The following ACVR1C variants were observed in gnomAD, a reference collection of about 807,000 sequenced individuals.
ACVR1C encodes activin receptor type-1C.
A neutral mutation model predicts 57.9 loss-of-function variants in ACVR1C; 23 were observed. The ratio of observed to expected loss-of-function variants is 0.40; its 90% CI spans 0.29 to 0.56. The LOEUF is 0.56. Among genes scored for constraint, ACVR1C ranks in the 20% least tolerant of loss-of-function variants. ACVR1C has a pLI of 0.50. For missense variants in ACVR1C, 480 were observed against 607.9 expected (o/e 0.79, Z 2.21); for synonymous variants, 214 against 215.3 (o/e 0.99, Z 0.05).
Position 157,628,850 on chromosome 2 carries a change from G to C in ACVR1C, c.-206C>G. On this transcript the variant is annotated 5_prime_UTR_variant, in exon 1 of 9. Transcript: ENST00000243349. Reference sequence around the variant, plus strand: ...ACGCCCCCTGCGGCTGGCGGTGCGCGGCGCTCCTGCCACTGGCCCCGCAGC... The same window carrying C: ...ACGCCCCCTGCGGCTGGCGGTGCGCCGCGCTCCTGCCACTGGCCCCGCAGC... 2.9e-6 allele frequency: 1 copy of C among 349,042 alleles called. No individual in the cohort carries two copies. Among genetic ancestry groups the C allele is most frequent in the Non-Finnish European group, 5.1e-6 (1 of 197,030 alleles). The allele number at this position is 349,042 out of a possible 1,614,324, so 21.6% of individuals were successfully genotyped here. A position where few individuals can be genotyped will look rare whatever the true frequency, so the allele number is the denominator to read the frequency against.
chr2:157,582,161 A>T (rs1392540202), intron 2 of ACVR1C, among the ~76,000 whole-genome samples: 6 of 150,600 alleles, frequency 4.0e-5, no homozygotes, highest in East Asian at 1.9e-4. Flanking sequence ...CAAAAAAATA[A>T]TTTTTTTTTT....
rs147895379 is a variant in ACVR1C, at chr2:157,560,702, C to T, written c.305-4370G>A. 9.9e-4 allele frequency among the ~76,000 whole-genome samples: 150 copies of T among 152,278 alleles called. No homozygotes were observed. The Middle Eastern group carries it at 0.034, about 35-fold the overall frequency. ...AAATGGGAACTTTCTCTATAAAAGC[C>T]AGACAAACCCTGCCTTTGTTCTCTG... On this transcript the variant is annotated intron_variant, in intron 2 of 8. Transcript: ENST00000243349.
At chr2:157,595,183 TAAAA>T (rs1682062792) in intron 1 of ACVR1C, among the ~76,000 whole-genome samples, 1 of 152,224 alleles carries the variant, frequency 6.6e-6, no homozygotes, top group Admixed American at 6.5e-5. Context: ...TGGATTCTCT[TAAAA>T]CATCCCTTTG....
At chr2:157,614,647 T>C (rs527736971) in intron 1 of ACVR1C, among the ~76,000 whole-genome samples, 61 of 152,316 alleles carry the variant, frequency 4.0e-4, no homozygotes, top group African/African-American at 1.3e-3. Flanking sequence ...TTCAGTTCTA[T>C]CCATTGTTGT....
At chr2:157,620,951 A>G (rs1682758733) in intron 1 of ACVR1C, among the ~76,000 whole-genome samples, 2 of 152,192 alleles carry the variant, frequency 1.3e-5, no homozygotes, top group African/African-American at 4.8e-5. Flanking sequence ...TGAGATAACA[A>G]CGACAAAATA....
intron 1 of ACVR1C, among the ~76,000 whole-genome samples, chr2:157,589,904 C>A (rs975632438): frequency 3.9e-4 from 60 of 152,020 alleles, no homozygotes; most frequent in African/African-American, 1.3e-3. Flanking sequence ...TGATCTCCGA[C>A]AAAGCACACA....
intron 1 of ACVR1C, among the ~76,000 whole-genome samples, chr2:157,596,994 G>C (rs1476370488): frequency 3.3e-5 from 5 of 152,156 alleles, no homozygotes; most frequent in African/African-American, 9.7e-5. Flanking sequence ...AATCCGGCTG[G>C]GGCTGCGGGT....
chr2:157,595,554 C>G (rs1021693364), intron 1 of ACVR1C, among the ~76,000 whole-genome samples: 1 of 152,178 alleles, frequency 6.6e-6, no homozygotes, highest in Non-Finnish European at 1.5e-5. Context: ...TAAATGGTTC[C>G]ACATCAAACT....
intron 1 of ACVR1C, among the ~76,000 whole-genome samples, chr2:157,612,538 G>T (rs77539041): frequency 6.6e-6 from 1 of 152,146 alleles, no homozygotes; most frequent in African/African-American, 2.4e-5. Context: ...TGCTGCAGCA[G>T]TGTGTGGAGT....
At chr2:157,551,952 ATCTGGT>A (rs1250682110) in intron 3 of ACVR1C, among the ~76,000 whole-genome samples, 2 of 152,378 alleles carry the variant, frequency 1.3e-5, no homozygotes, top group African/African-American at 4.8e-5. Flanking sequence ...TTTTGAAATT[ATCTGGT>A]TCAACCCTAT....
At chr2:157,603,288 T>TA (rs1682321769) in intron 1 of ACVR1C, among the ~76,000 whole-genome samples, 1 of 152,140 alleles carries the variant, frequency 6.6e-6, no homozygotes. Context: ...TCTTACCTTT[T>TA]AATTGTTGAG....
At chr2:157,561,232 G>A (rs1445481233) in intron 2 of ACVR1C, among the ~76,000 whole-genome samples, 1 of 152,148 alleles carries the variant, frequency 6.6e-6, no homozygotes, top group African/African-American at 2.4e-5. Context: ...ATAACATTTT[G>A]CAAGGTCAAT....
Position 157,539,176 on chromosome 2 carries a change from T to C in ACVR1C, c.1226-473A>G, listed in dbSNP as rs554290303. 2.3e-3 allele frequency among the ~76,000 whole-genome samples: 351 copies of C among 152,170 alleles called. 2 individuals are homozygous for C. Among genetic ancestry groups the C allele is most frequent in the Non-Finnish European group, 2.7e-3 (182 of 67,964 alleles). On this transcript the variant is annotated intron_variant, in intron 7 of 8. Coordinates refer to ENST00000243349, the MANE Select transcript of ACVR1C (RefSeq NM_145259.3). Reference sequence around the variant, plus strand: ...GAAGTACGTATATTTTCCCATCAGATAACTTTTTCAAAACAAAACAGCTTT... The same window carrying C: ...GAAGTACGTATATTTTCCCATCAGACAACTTTTTCAAAACAAAACAGCTTT...
chr2:157,618,968 C>A lies in ACVR1C; in HGVS notation c.73+9604G>T, dbSNP rs142901396. On this transcript the variant is annotated intron_variant, in intron 1 of 8. Coordinates refer to ENST00000243349, the MANE Select transcript of ACVR1C (RefSeq NM_145259.3). ...AAGTAAATTAGAGATGTCAACAATC[C>A]TTTCTCAATAGCTGGTGAAACAAGA... Among the ~76,000 whole-genome samples the A allele has an allele frequency of 6.0e-3, 907 of 151,756 alleles. 18 individuals carry two copies. The highest frequency in any genetic ancestry group is 0.045 in the South Asian group (217 of 4,816).
intron 1 of ACVR1C, among the ~76,000 whole-genome samples, chr2:157,607,126 T>G (rs1465926537): frequency 6.6e-6 from 1 of 151,946 alleles, no homozygotes; most frequent in Non-Finnish European, 1.5e-5. Context: ...TGGCTGTAAA[T>G]ACGTAGATTT....
At chr2:157,601,459 A>G (rs964836026) in intron 1 of ACVR1C, among the ~76,000 whole-genome samples, 1 of 152,158 alleles carries the variant, frequency 6.6e-6, no homozygotes, top group Non-Finnish European at 1.5e-5. Flanking sequence ...TCAAGACATA[A>G]AAGTATAAAA....
At chr2:157,625,394 A>G (rs1682872977) in intron 1 of ACVR1C, among the ~76,000 whole-genome samples, 3 of 152,190 alleles carry the variant, frequency 2.0e-5, no homozygotes. Context: ...CTCCTGGGCC[A>G]GAGATGTCTT....
At chr2:157,598,838 T>A (rs1046534623) in intron 1 of ACVR1C, among the ~76,000 whole-genome samples, 8 of 152,078 alleles carry the variant, frequency 5.3e-5, no homozygotes, top group Non-Finnish European at 8.8e-5. Flanking sequence ...CTGCCCAGCT[T>A]TAACAGTCTT....
chr2:157,593,583 G>C (rs1479207995), intron 1 of ACVR1C, among the ~76,000 whole-genome samples: 1 of 152,116 alleles, frequency 6.6e-6, no homozygotes, highest in East Asian at 1.9e-4. Flanking sequence ...AGTTAACAAA[G>C]GGAACAATTC....
Sources: gnomAD v4.1 joint callset for allele counts (sites outside exome capture counted in the v4.1 genomes callset) on GRCh38, gnomAD v4.1.1 for gene constraint, MANE v1.5 for transcripts, NCBI Gene and HGNC (gene_info 2026-07-23, HGNC 2026-07-21) for gene names.